The following SYNCRIP variants were observed in gnomAD, a reference collection of about 807,000 sequenced individuals.
SYNCRIP encodes heterogeneous nuclear ribonucleoprotein Q.
In SYNCRIP, 9 loss-of-function variants were observed where a neutral mutation model predicts 68.9. The observed-to-expected ratio is 0.13, with a 90% CI of 0.08 to 0.23. The LOEUF (loss-of-function observed/expected upper bound fraction) is 0.23. Ranked by LOEUF, SYNCRIP falls within the 10% of genes least tolerant of loss-of-function variation. The pLI is 1.00. For synonymous variants in SYNCRIP, 258 were observed against 254.0 expected, an observed-to-expected ratio of 1.02 and a Z score of -0.15; for missense variants, 414 against 770.6, an observed-to-expected ratio of 0.54 and a Z score of 5.48.
At chr6:85,631,594 T>C (rs1035752492) in intron 6 of SYNCRIP, among the ~76,000 whole-genome samples, 4 of 152,194 alleles carry the variant, frequency 2.6e-5, no homozygotes, top group African/African-American at 9.6e-5. Flanking sequence ...ACTAGGGTAG[T>C]AGCAGCGAAG....
intron 6 of SYNCRIP, among the ~76,000 whole-genome samples, chr6:85,635,035 C>G (rs891307745): frequency 1.6e-4 from 25 of 152,042 alleles, no homozygotes; most frequent in African/African-American, 4.6e-4. Flanking sequence ...TGTGGTGGTA[C>G]GCGCCTATTA....
intron 10 of SYNCRIP, 75 bp downstream of exon 10, chr6:85,618,743 C>A: frequency 7.7e-7 from 1 of 1,299,326 alleles, no homozygotes; most frequent in South Asian, 1.4e-5. Context: ...CAAGTCTGAT[C>A]AACACCTGTT....
At chr6:85,624,222 A>C in intron 6 of SYNCRIP, 110 bp from the exon 7 acceptor site, 2 of 1,052,940 alleles carry the variant, frequency 1.9e-6, no homozygotes, top group South Asian at 3.2e-5. Flanking sequence ...GTTTACCTTA[A>C]TTCCCATACA....
chr6:85,629,589 C>T (rs898813661), intron 6 of SYNCRIP, among the ~76,000 whole-genome samples: 13 of 150,138 alleles, frequency 8.7e-5, no homozygotes, highest in African/African-American at 3.2e-4. Context: ...TTTGGGAGGC[C>T]GATGTGGGCG....
At chr6:85,623,124 T>G (rs1448370649) in intron 7 of SYNCRIP, among the ~76,000 whole-genome samples, 1 of 152,248 alleles carries the variant, frequency 6.6e-6, no homozygotes, top group Non-Finnish European at 1.5e-5. Flanking sequence ...AAGTACTGCA[T>G]AAAAATTTCC....
chr6:85,616,998 C>T (rs1290860422), intron 10 of SYNCRIP, among the ~76,000 whole-genome samples: 2 of 151,974 alleles, frequency 1.3e-5, no homozygotes, highest in Non-Finnish European at 2.9e-5. Context: ...ATGAGAAATC[C>T]TGGTATAGTG....
At chr6:85,615,478 T>C in intron 10 of SYNCRIP, 131 bp from the exon 11 acceptor site, 1 of 572,882 alleles carries the variant, frequency 1.7e-6, no homozygotes, top group Non-Finnish European at 2.9e-6. Context: ...TACAGAATTA[T>C]TTGTACTAGA....
intron 6 of SYNCRIP, among the ~76,000 whole-genome samples, chr6:85,625,949 C>T (rs1806986708): frequency 6.6e-6 from 1 of 152,170 alleles, no homozygotes; most frequent in African/African-American, 2.4e-5. Flanking sequence ...CTGCTGGTAT[C>T]TACTGGGTAG....
intron 1 of SYNCRIP, 45 bp from the exon 2 acceptor site, chr6:85,641,496 G>A (rs73485412): frequency 2.5e-6 from 4 of 1,573,750 alleles, no homozygotes; most frequent in African/African-American, 2.7e-5. Flanking sequence ...TCTTCAAAAA[G>A]AATACAAGAC....
downstream of SYNCRIP, chr6:85,612,848 G>C: frequency 6.5e-7 from 1 of 1,548,480 alleles, no homozygotes; most frequent in Non-Finnish European, 8.7e-7. Context: ...TCCACTGCAA[G>C]CTTCTGGTGT....
chr6:85,613,947 A>G (rs1181181832), downstream of SYNCRIP: 1 of 973,402 alleles, frequency 1.0e-6, no homozygotes, highest in Non-Finnish European at 1.2e-6. Context: ...ATCACAATTA[A>G]GAACTCTAAA....
At position 85,620,111 on chromosome 6, in the gene SYNCRIP, T is replaced by C. The variant is rs147124620; in HGVS notation, c.1009-694A>G. On this transcript the variant is annotated intron_variant, in intron 8 of 10. Transcript: ENST00000369622. ...AAATACAAAGATTAGCCGGGTGCGA[T>C]GGTACGCAACTATGGTTCCAGCTAC... Among the ~76,000 whole-genome samples, 469 of 152,246 alleles carry C rather than the reference T, an allele frequency of 3.1e-3. 1 individual carries two copies. Among genetic ancestry groups the C allele is most frequent in the African/African-American group, 0.011 (444 of 41,536 alleles).
At chr6:85,616,940 G>A (rs535780784) in intron 10 of SYNCRIP, among the ~76,000 whole-genome samples, 3 of 152,200 alleles carry the variant, frequency 2.0e-5, no homozygotes, top group Non-Finnish European at 4.4e-5. Flanking sequence ...GCACAGGGCA[G>A]CCCCCAAGAC....
At chr6:85,624,172 T>C in intron 6 of SYNCRIP, 60 bp from the exon 7 acceptor site, 1 of 1,503,864 alleles carries the variant, frequency 6.6e-7, no homozygotes, top group Non-Finnish European at 9.1e-7. Flanking sequence ...AACAGTTAAT[T>C]ATAAAAGATA....
chr6:85,612,873 A>T, downstream of SYNCRIP: 2 of 1,550,552 alleles, frequency 1.3e-6, no homozygotes, highest in Non-Finnish European at 1.7e-6. Flanking sequence ...CCACATAGCA[A>T]GTCAGTCTTC....
Position 85,615,229 on chromosome 6 carries a change from A to C in SYNCRIP, c.1399T>G (p.Tyr467Asp). The C allele has an allele frequency of 6.2e-7, 1 of 1,608,942 alleles. No homozygotes were observed. Among genetic ancestry groups the C allele is most frequent in the Non-Finnish European group, 8.5e-7 (1 of 1,176,392 alleles). The change falls in exon 11 of 11, where the codon TAT (tyrosine) becomes GAT (aspartate). Residue 467 changes from tyrosine to aspartate, a missense_variant. By Grantham distance (160) the Tyr-to-Asp change is radical. Coordinates refer to ENST00000369622, the MANE Select transcript of SYNCRIP (RefSeq NM_006372.5). The part of the protein sequence containing the change: ...PPDYYGYEDY[Y>D]DYYGYDYHNY... ...TGGTAATCATAACCATAATAATCAT[A>C]ATAATCTTCATATCCATAATAATCT... is the stretch of plus-strand genomic sequence containing the variant.
At chr6:85,637,208 T>C in intron 5 of SYNCRIP, 35 bp downstream of exon 5, 2 of 1,608,290 alleles carry the variant, frequency 1.2e-6, no homozygotes, top group African/African-American at 1.3e-5. Flanking sequence ...ACCTGTGCTT[T>C]TACTACAAAA....
At chr6:85,643,130 C>A, upstream of SYNCRIP, 1 of 153,566 alleles carries the variant, frequency 6.5e-6, no homozygotes, top group African/African-American at 2.4e-5. Flanking sequence ...TCCGCCTTCT[C>A]TCGGCCTTTC....
rs1476925035 is a variant in SYNCRIP, at chr6:85,637,307, C to T, written c.425G>A (p.Arg142Lys). The T allele has an allele frequency of 6.2e-7, 1 of 1,614,130 alleles. No homozygotes were observed. Among genetic ancestry groups the T allele is most frequent in the Non-Finnish European group, 8.5e-7 (1 of 1,180,024 alleles). ...ATCTGGAGGTGGTCCTCCATACTTC[C>T]TCTGTCCAGTGGTCACATCAAGTGT... is the stretch of plus-strand genomic sequence containing the variant. ...GYTLDVTTGQ[R>K]KYGGPPPDSV... The change falls in exon 5 of 11, where the codon AGG (arginine) becomes AAG (lysine). Residue 142 changes from arginine (R) to lysine (K), a missense_variant. Arg to Lys is a conservative substitution (Grantham distance 26, BLOSUM62 2). Coordinates refer to ENST00000369622, the MANE Select transcript of SYNCRIP (RefSeq NM_006372.5).
Sources: allele counts gnomAD v4.1 joint callset (sites outside exome capture counted in the v4.1 genomes callset), GRCh38; gene constraint gnomAD v4.1.1; transcripts MANE v1.5; gene names NCBI Gene and HGNC (gene_info 2026-07-23, HGNC 2026-07-21).